The following TMPRSS11F variants were observed in gnomAD, a reference collection of about 807,000 sequenced individuals.
TMPRSS11F encodes the protein transmembrane serine protease 11F, also known as transmembrane protease serine 11F.
A neutral mutation model predicts 60.2 loss-of-function variants in TMPRSS11F; 47 were observed. The observed-to-expected ratio is 0.78, with a 90% CI of 0.62 to 1.00. TMPRSS11F has a LOEUF of 1.00. Ranked by LOEUF, TMPRSS11F falls within the 50% of genes least tolerant of loss-of-function variation. The pLI, the probability that TMPRSS11F is intolerant of heterozygous loss-of-function variation, is 0.00. For synonymous variants in TMPRSS11F, 166 were observed against 167.3 expected (o/e 0.99, Z 0.06); for missense variants, 519 against 522.9 (o/e 0.99, Z 0.07).
In TMPRSS11F at chr4:68,099,054, G is replaced by A; in HGVS notation, c.12-16C>T. On this transcript the variant is annotated splice_polypyrimidine_tract_variant and intron_variant, in intron 1 of 9. Coordinates refer to ENST00000356291, the MANE Select transcript of TMPRSS11F (RefSeq NM_207407.2). ...TTCAACAGGTCTGTGATAACAGAAAGAAAATAGAGACAATAAAAATTCATT... is the reference window on the plus strand; with the variant it reads ...TTCAACAGGTCTGTGATAACAGAAAAAAAATAGAGACAATAAAAATTCATT... 6.3e-7 allele frequency: 1 copy of A among 1,592,556 alleles called. No individual in the cohort carries two copies. Among genetic ancestry groups the A allele is most frequent in the South Asian group, 1.1e-5 (1 of 88,154 alleles).
At chr4:68,123,083 A>G (rs1328134378) in intron 1 of TMPRSS11F, among the ~76,000 whole-genome samples, 4 of 152,226 alleles carry the variant, frequency 2.6e-5, no homozygotes, top group African/African-American at 9.6e-5. Context: ...AGAGCAGCTA[A>G]TAATCCATTA....
intron 3 of TMPRSS11F, among the ~76,000 whole-genome samples, chr4:68,081,510 T>C (rs1346824570): frequency 6.6e-6 from 1 of 152,204 alleles, no homozygotes; most frequent in Admixed American, 6.5e-5. Flanking sequence ...AAGGGGAAAA[T>C]GGAGACCAGT....
intron 1 of TMPRSS11F, among the ~76,000 whole-genome samples, chr4:68,119,535 C>A (rs1324373734): frequency 6.6e-6 from 1 of 152,098 alleles, no homozygotes; most frequent in East Asian, 1.9e-4. Context: ...CCTTTCCATT[C>A]CAAAAATTCT....
intron 1 of TMPRSS11F, among the ~76,000 whole-genome samples, chr4:68,113,177 A>T (rs1282729739): frequency 6.6e-6 from 1 of 152,206 alleles, no homozygotes; most frequent in Non-Finnish European, 1.5e-5. Context: ...AAATCACACC[A>T]TAAAGGGTGA....
At chr4:68,062,647 A>G in intron 8 of TMPRSS11F, 1 of 787,718 alleles carries the variant, frequency 1.3e-6, no homozygotes, top group South Asian at 1.3e-5. Context: ...TGAGACCTAA[A>G]TAAATCCAGC....
chr4:68,097,702 C>A (rs1422560209), intron 2 of TMPRSS11F, among the ~76,000 whole-genome samples: 7 of 151,820 alleles, frequency 4.6e-5, no homozygotes, highest in Non-Finnish European at 1.0e-4. Context: ...TTTTTACTAT[C>A]CCTTCATTTT....
At chr4:68,058,043 T>C (rs151145110) in intron 9 of TMPRSS11F, among the ~76,000 whole-genome samples, 21 of 152,244 alleles carry the variant, frequency 1.4e-4, no homozygotes, top group Admixed American at 5.2e-4. Flanking sequence ...GAGAGTAGAC[T>C]GATGATTACC....
chr4:68,074,104 A>AT (rs1362343588), intron 3 of TMPRSS11F, 95 bp from the exon 4 acceptor site: 92 of 729,430 alleles, frequency 1.3e-4, no homozygotes, highest in Non-Finnish European at 3.6e-5. Context: ...GAAAAGTGTT[A>AT]TTCCTTGTCT....
At chr4:68,121,875 C>A (rs952193640) in intron 1 of TMPRSS11F, among the ~76,000 whole-genome samples, 20 of 152,142 alleles carry the variant, frequency 1.3e-4, no homozygotes, top group Non-Finnish European at 2.5e-4. Flanking sequence ...AAGAGTTAAT[C>A]GGTATGTTAC....
intron 1 of TMPRSS11F, among the ~76,000 whole-genome samples, chr4:68,105,438 G>T (rs980570490): frequency 1.3e-5 from 2 of 151,954 alleles, no homozygotes; most frequent in Non-Finnish European, 2.9e-5. Flanking sequence ...AAGTTGACTG[G>T]GTTTAATTCT....
Position 68,070,029 on chromosome 4 carries a change from T to A in TMPRSS11F, c.515-22A>T, listed in dbSNP as rs201243687. On this transcript the variant is annotated intron_variant, in intron 5 of 9. Coordinates refer to ENST00000356291, the MANE Select transcript of TMPRSS11F (RefSeq NM_207407.2). ...ATAGCTGGAATAAGCAAAACATGAA[T>A]TAGTTGGCAGAAGAATATATTCCCA... 1.1e-3 allele frequency: 1,762 copies of A among 1,600,266 alleles called. 2 individuals are homozygous for A. The highest frequency in any genetic ancestry group is 1.3e-3 in the Non-Finnish European group (1,577 of 1,172,298).
intron 1 of TMPRSS11F, among the ~76,000 whole-genome samples, chr4:68,118,826 T>C (rs1296679652): frequency 6.6e-6 from 1 of 152,192 alleles, no homozygotes; most frequent in Non-Finnish European, 1.5e-5. Flanking sequence ...GGAAGGTTCC[T>C]CTGAGAACAT....
intron 2 of TMPRSS11F, among the ~76,000 whole-genome samples, chr4:68,096,908 T>C (rs6831923): frequency 0.3 from 46,295 of 152,090 alleles, 7,164 homozygotes; most frequent in East Asian, 0.49. Context: ...AAATAACTTG[T>C]CCTCTGTTGT....
In TMPRSS11F at chr4:68,110,331, CTG is replaced by C. The variant is rs1391007875; in HGVS notation, c.12-11295_12-11294del. On this transcript the variant is annotated intron_variant, in intron 1 of 9. Transcript: ENST00000356291. ...TGCTATTTTAGATGCACAAAGGAAA[CTG>C]TGAACCTCAGCAAAATCCACAGACT... Among the ~76,000 whole-genome samples the C allele has an allele frequency of 2.0e-5, 3 of 152,292 alleles. No homozygotes were observed. The East Asian group carries it at 5.8e-4, about 29-fold the overall frequency.
chr4:68,081,163 A>C (rs1415392871), intron 3 of TMPRSS11F, among the ~76,000 whole-genome samples: 1 of 152,244 alleles, frequency 6.6e-6, no homozygotes, highest in East Asian at 1.9e-4. Context: ...AGAAGCTATT[A>C]TTAAGAAATG....
chr4:68,064,686 A>G lies in TMPRSS11F; in HGVS notation c.1014T>C (p.Asp338=), dbSNP rs757959449. ...FVTGFGSIVD[D]GPIQNTLRQA... is the part of the protein sequence containing the mutation. ...GAAAATTAGGTTGAAACTGCTCACC[A>G]TCATCTACAATGGATCCAAATCCTG... Residue 338 remains aspartate (D), a splice_region_variant and synonymous_variant, in exon 8 of 10, where the codon GAT becomes GAC. Transcript: ENST00000356291. The G allele has an allele frequency of 7.4e-6, 12 of 1,613,096 alleles. No individual in the cohort carries two copies. The highest frequency in any genetic ancestry group is 3.3e-5 in the Admixed American group (2 of 59,938).
chr4:68,117,436 C>G (rs1724548610), intron 1 of TMPRSS11F, among the ~76,000 whole-genome samples: 1 of 140,762 alleles, frequency 7.1e-6, no homozygotes, highest in Admixed American at 7.5e-5. Context: ...CCACCGCACT[C>G]CAGCCTGGGT....
intron 9 of TMPRSS11F, among the ~76,000 whole-genome samples, chr4:68,056,725 G>C (rs1204998482): frequency 6.6e-6 from 1 of 151,746 alleles, no homozygotes; most frequent in Non-Finnish European, 1.5e-5. Context: ...ACCTTGAATA[G>C]TCAAAATAAT....
chr4:68,054,458 T>C (rs920086417), intron 9 of TMPRSS11F, among the ~76,000 whole-genome samples: 5 of 152,312 alleles, frequency 3.3e-5, no homozygotes, highest in South Asian at 2.1e-4. Flanking sequence ...TTGTATTTTA[T>C]GGACCTATTT....
Sources: gnomAD v4.1 joint callset for allele counts (sites outside exome capture counted in the v4.1 genomes callset) on GRCh38, gnomAD v4.1.1 for gene constraint, MANE v1.5 for transcripts, NCBI Gene and HGNC (gene_info 2026-07-23, HGNC 2026-07-21) for gene names.